PSD3: variants seen among roughly 807,000 people sequenced by gnomAD.
The protein encoded by PSD3 is PH and SEC7 domain-containing protein 3.
In PSD3, 49 loss-of-function variants were observed where a neutral mutation model predicts 105.5. The observed-to-expected ratio is 0.46, with a 90% confidence interval of 0.37 to 0.59. PSD3 has a LOEUF of 0.59. PSD3 is among the 20% of genes least tolerant of loss of function. PSD3 has a pLI of 0.00. For synonymous variants in PSD3, 557 were observed against 457.8 expected (o/e 1.22, Z -2.77); for missense variants, 1,561 against 1,263.8 (o/e 1.24, Z -3.57).
At chr8:18,777,651 T>G (rs1808227281) in intron 8 of PSD3, among the ~76,000 whole-genome samples, 1 of 152,246 alleles carries the variant, frequency 6.6e-6, no homozygotes, top group Non-Finnish European at 1.5e-5. Context: ...CTTCAAACAT[T>G]TACTACATCT....
intron 9 of PSD3, among the ~76,000 whole-genome samples, chr8:18,723,380 C>A (rs1415741253): frequency 6.6e-6 from 1 of 152,220 alleles, no homozygotes; most frequent in Non-Finnish European, 1.5e-5. Context: ...ATTTTTCTTT[C>A]ATTTTTGCAT....
intron 10 of PSD3, among the ~76,000 whole-genome samples, chr8:18,650,118 G>A (rs915313209): frequency 1.3e-4 from 20 of 152,216 alleles, no homozygotes; most frequent in Admixed American, 1.3e-3. Context: ...GTCAAAGGAT[G>A]AAAGAGAGGA....
At chr8:18,958,761 A>G (rs1823730801) in intron 1 of PSD3, among the ~76,000 whole-genome samples, 2 of 152,220 alleles carry the variant, frequency 1.3e-5, no homozygotes. Context: ...TCAATTTATT[A>G]TTTTAAAAAT....
At chr8:18,687,265 A>T (rs2130976770) in intron 9 of PSD3, among the ~76,000 whole-genome samples, 3 of 152,216 alleles carry the variant, frequency 2.0e-5, no homozygotes, top group Admixed American at 2.0e-4. Context: ...AGAGTTCAAG[A>T]CCAACCTGGG....
At chr8:18,801,650 C>T (rs1350973768) in intron 6 of PSD3, among the ~76,000 whole-genome samples, 1 of 151,844 alleles carries the variant, frequency 6.6e-6, no homozygotes, top group African/African-American at 2.4e-5. Flanking sequence ...GCCAACATGG[C>T]GAAACCCCAT....
At chr8:18,898,564 T>G (rs1431797613) in intron 2 of PSD3, among the ~76,000 whole-genome samples, 1 of 151,706 alleles carries the variant, frequency 6.6e-6, no homozygotes, top group Non-Finnish European at 1.5e-5. Flanking sequence ...AACTTTTGAC[T>G]CTCCAAAAAC....
intron 4 of PSD3, among the ~76,000 whole-genome samples, chr8:18,847,263 A>G (rs745932584): frequency 3.9e-5 from 6 of 152,190 alleles, no homozygotes; most frequent in Admixed American, 6.5e-5. Flanking sequence ...TTCCTGGAAA[A>G]GGTGCAATTG....
chr8:18,731,568 G>A (rs1391339268), intron 9 of PSD3, among the ~76,000 whole-genome samples: 1 of 152,104 alleles, frequency 6.6e-6, no homozygotes, highest in African/African-American at 2.4e-5. Flanking sequence ...AAGACAACAG[G>A]AGAAACAATA....
chr8:18,765,795 C>T (rs988551988), intron 8 of PSD3, among the ~76,000 whole-genome samples: 2 of 151,890 alleles, frequency 1.3e-5, no homozygotes, highest in South Asian at 2.1e-4. Flanking sequence ...GTAAAAACCC[C>T]GTCTCTACTA....
At chr8:18,941,269 C>T (rs989854391) in intron 1 of PSD3, among the ~76,000 whole-genome samples, 2 of 152,162 alleles carry the variant, frequency 1.3e-5, no homozygotes, top group Middle Eastern at 3.2e-3. Flanking sequence ...AATCTCGGCT[C>T]GATAGTACCA....
chr8:18,577,012 T>C (rs1335189768), intron 12 of PSD3, among the ~76,000 whole-genome samples: 4 of 152,176 alleles, frequency 2.6e-5, no homozygotes, highest in African/African-American at 7.2e-5. Flanking sequence ...CTAGTTCTTT[T>C]GTTTTCCATA....
chr8:18,864,771 A>T (rs1816700942), intron 4 of PSD3: 1 of 151,952 alleles, frequency 6.6e-6, no homozygotes, highest in African/African-American at 2.4e-5. Flanking sequence ...TAATTCTAAC[A>T]CTTGGGCCCT....
chr8:18,840,291 C>T (rs1489767648), intron 4 of PSD3, among the ~76,000 whole-genome samples: 1 of 152,144 alleles, frequency 6.6e-6, no homozygotes, highest in Non-Finnish European at 1.5e-5. Flanking sequence ...GTGCATTAAA[C>T]CAAAATGTCT....
At chr8:18,723,119 C>T (rs1030284502) in intron 9 of PSD3, among the ~76,000 whole-genome samples, 22 of 152,170 alleles carry the variant, frequency 1.4e-4, no homozygotes, top group Admixed American at 1.3e-3. Context: ...TGAATTGACA[C>T]AGCAAAACTC....
chr8:18,902,978 A>C (rs1213649087), intron 2 of PSD3, among the ~76,000 whole-genome samples: 1 of 152,100 alleles, frequency 6.6e-6, no homozygotes, highest in Non-Finnish European at 1.5e-5. Flanking sequence ...AGTTGCTTGG[A>C]GTGGCTGTGG....
At chr8:19,079,302 T>C (rs1400157466) in intron 1 of PSD3, among the ~76,000 whole-genome samples, 2 of 152,164 alleles carry the variant, frequency 1.3e-5, no homozygotes, top group Non-Finnish European at 2.9e-5. Context: ...AGATAAGCTT[T>C]TCAATCCCAT....
intron 10 of PSD3, among the ~76,000 whole-genome samples, chr8:18,648,289 C>A (rs1437046279): frequency 6.6e-6 from 1 of 152,132 alleles, no homozygotes; most frequent in Non-Finnish European, 1.5e-5. Flanking sequence ...GATAGTGATA[C>A]GGACAATAAA....
chr8:19,011,780 A>AAC (rs1826963199), intron 1 of PSD3, among the ~76,000 whole-genome samples: 1 of 151,910 alleles, frequency 6.6e-6, no homozygotes, highest in Admixed American at 6.6e-5. Flanking sequence ...AAAAAAAAAA[A>AAC]AACAACAACA....
intron 2 of PSD3, among the ~76,000 whole-genome samples, chr8:18,900,952 G>A (rs551951579): frequency 3.9e-5 from 6 of 152,224 alleles, no homozygotes; most frequent in African/African-American, 1.4e-4. Flanking sequence ...AGTACAGTAT[G>A]TACTACAGTT....
Sources: allele counts gnomAD v4.1 joint callset (sites outside exome capture counted in the v4.1 genomes callset), GRCh38; gene constraint gnomAD v4.1.1; transcripts MANE v1.5; gene names NCBI Gene and HGNC (gene_info 2026-07-23, HGNC 2026-07-21).